Variants in APAF1 observed in about 807,000 individuals in gnomAD.
The protein encoded by APAF1 is apoptotic peptidase activating factor 1.
A neutral mutation model predicts 152.4 loss-of-function variants in APAF1; 91 were observed. The ratio of observed to expected loss-of-function variants is 0.60; its 90% CI spans 0.50 to 0.71. APAF1 has a LOEUF of 0.71. APAF1 is among the 30% of genes least tolerant of loss of function. The probability of loss-of-function intolerance (pLI) is 0.00; values close to 1 mark genes in which losing one functional copy is unlikely to be tolerated. For synonymous variants in APAF1, 484 were observed against 494.1 expected, an observed-to-expected ratio of 0.98 and a Z score of 0.27; for missense variants, 1,283 against 1,472.0, an observed-to-expected ratio of 0.87 and a Z score of 2.10.
At position 98,725,497 on chromosome 12, in the gene APAF1, A is replaced by T. The variant is rs1236634608; in HGVS notation, c.3413A>T (p.Asp1138Val). ...GTGCGCTGCTCTGCCTTCTCTGTGGACAGTACCCTGCTGGCAACGGGAGAT... is the reference window on the plus strand; with the variant it reads ...GTGCGCTGCTCTGCCTTCTCTGTGGTCAGTACCCTGCTGGCAACGGGAGAT... ...GCVRCSAFSV[D>V]STLLATGDDN... Residue 1138 changes from aspartate to valine, a missense_variant, in exon 25 of 27, where the codon GAC becomes GTC. Asp to Val is a radical substitution (Grantham distance 152). Transcript: ENST00000551964. The T allele has an allele frequency of 6.2e-7, 1 of 1,614,048 alleles. No homozygotes were observed. The highest frequency in any genetic ancestry group is 8.5e-7 in the Non-Finnish European group (1 of 1,180,020).
At chr12:98,713,633 A>G (rs1324457432) in intron 21 of APAF1, among the ~76,000 whole-genome samples, 2 of 152,254 alleles carry the variant, frequency 1.3e-5, no homozygotes, top group Non-Finnish European at 2.9e-5. Context: ...ATCACAAGTG[A>G]AATTCATCCC....
At chr12:98,673,522 T>A (rs1470495266) in intron 12 of APAF1, among the ~76,000 whole-genome samples, 1 of 152,056 alleles carries the variant, frequency 6.6e-6, no homozygotes, top group Non-Finnish European at 1.5e-5. Context: ...CATGCTTCCC[T>A]TACAGCTTGA....
intron 22 of APAF1, 83 bp from the exon 23 acceptor site, chr12:98,723,110 C>A: frequency 7.1e-7 from 1 of 1,417,780 alleles, no homozygotes; most frequent in Non-Finnish European, 9.9e-7. Flanking sequence ...AGACTTTAGA[C>A]AAGAGAATGT....
intron 14 of APAF1, among the ~76,000 whole-genome samples, chr12:98,681,125 A>C (rs901613278): frequency 4.3e-4 from 66 of 152,198 alleles, no homozygotes; most frequent in African/African-American, 1.6e-3. Flanking sequence ...GCAGTGGTAC[A>C]ATCTCGGCTC....
intron 18 of APAF1, 56 bp from the exon 19 acceptor site, chr12:98,706,429 G>A: frequency 6.3e-7 from 1 of 1,582,184 alleles, no homozygotes; most frequent in Non-Finnish European, 8.7e-7. Flanking sequence ...CAATATTTTT[G>A]CTCTCTTCAA....
intron 15 of APAF1, among the ~76,000 whole-genome samples, chr12:98,686,265 A>C (rs115155998): frequency 0.025 from 3,880 of 152,164 alleles, 154 homozygotes; most frequent in African/African-American, 0.086. Context: ...TTATTAGAGC[A>C]ATTTAGTCAT....
At chr12:98,714,980 C>G (rs1173356108) in intron 21 of APAF1, among the ~76,000 whole-genome samples, 1 of 150,066 alleles carries the variant, frequency 6.7e-6, no homozygotes, top group East Asian at 2.0e-4. Context: ...CCCTCATCAT[C>G]TTTTATCTTT....
chr12:98,654,755 A>T (rs910961702), intron 4 of APAF1, among the ~76,000 whole-genome samples: 2 of 151,978 alleles, frequency 1.3e-5, no homozygotes, highest in African/African-American at 2.4e-5. Context: ...TGGAAACTTA[A>T]GGCAACAGAT....
chr12:98,675,817 G>A (rs949188435), intron 12 of APAF1, among the ~76,000 whole-genome samples: 7 of 152,192 alleles, frequency 4.6e-5, no homozygotes, highest in African/African-American at 7.2e-5. Flanking sequence ...CTACTAAAGT[G>A]TAATACTTTG....
chr12:98,715,551 A>C lies in APAF1; in HGVS notation c.3083A>C (p.Gln1028Pro), dbSNP rs950931915. 1.2e-6 allele frequency: 2 copies of C among 1,613,416 alleles called. No individual in the cohort carries two copies. The highest frequency in any genetic ancestry group is 1.7e-6 in the Non-Finnish European group (2 of 1,179,572). Residue 1028 changes from glutamine (Q) to proline (P), a missense_variant and splice_region_variant, in exon 22 of 27, where the codon CAG becomes CCG. By Grantham distance (76) the Gln-to-Pro change is moderately conservative. Coordinates refer to ENST00000551964, the MANE Select transcript of APAF1 (RefSeq NM_181861.2). ...LISSSDDAEI[Q>P]VWNWQLDKCI... ...TCAAGTTCTGATGATGCTGAAATTC[A>C]GGTGAGAGGGAGGATGAACTCTTAA... is the stretch of plus-strand genomic sequence containing the variant.
chr12:98,723,530 G>C, intron 23 of APAF1, 109 bp from the exon 24 acceptor site: 4 of 1,112,964 alleles, frequency 3.6e-6, no homozygotes, highest in Non-Finnish European at 5.2e-6. Context: ...AGAACAGCCA[G>C]TGTATTAAAA....
chr12:98,732,680 A>T lies in APAF1; in HGVS notation c.*114A>T. 2 of 710,764 alleles carry T rather than the reference A, an allele frequency of 2.8e-6. No homozygotes were observed. The highest frequency in any genetic ancestry group is 4.7e-6 in the Non-Finnish European group (2 of 427,438). The allele number at this position is 710,764 out of a possible 1,614,324, so 44.0% of individuals were successfully genotyped here. On this transcript the variant is annotated 3_prime_UTR_variant, in exon 27 of 27. Coordinates refer to ENST00000551964, the MANE Select transcript of APAF1 (RefSeq NM_181861.2). The stretch of plus-strand genomic sequence containing the variant: ...GCTCTTAATTGTTGTGCAGTATTGC[A>T]TTCATTACAAAAGTGTTTGTGGTTG...
Position 98,682,274 on chromosome 12 carries a change from T to C in APAF1, c.2047-869T>C, listed in dbSNP as rs998189779. ...TTCACCATGTTAGCCAGGATGGTGT[T>C]GATCTCCTGACCTCGTGATCTGCCC... On this transcript the variant is annotated intron_variant, in intron 14 of 26. Coordinates refer to ENST00000551964, the MANE Select transcript of APAF1 (RefSeq NM_181861.2). Among the ~76,000 whole-genome samples, 4 of 149,218 alleles carry C rather than the reference T, an allele frequency of 2.7e-5. No individual in the cohort carries two copies. The South Asian group carries it at 6.4e-4, about 24-fold the overall frequency.
chr12:98,670,529 A>AT (rs1477159268), intron 10 of APAF1, among the ~76,000 whole-genome samples: 25 of 152,092 alleles, frequency 1.6e-4, no homozygotes, highest in African/African-American at 5.1e-4. Context: ...ACAAATAAGT[A>AT]TTTTTTTAAA....
At chr12:98,726,791 GA>G (rs1282360047) in intron 25 of APAF1, 1 of 154,474 alleles carries the variant, frequency 6.5e-6, no homozygotes, top group African/African-American at 2.4e-5. Flanking sequence ...TTTTCTCCCT[GA>G]TTATTCAGAA....
In APAF1 at chr12:98,707,709, T is replaced by TATAC. The variant is rs1555220833; in HGVS notation, c.2722-872_2722-869dup. 5.8e-4 allele frequency among the ~76,000 whole-genome samples: 87 copies of TATAC among 149,860 alleles called. 1 individual carries two copies. The highest frequency in any genetic ancestry group is 1.7e-3 in the African/African-American group (68 of 41,130). ...GCAAAGTACTATATATATATATATATATACATATAAATTTACTAATTCTCA... is the reference window on the plus strand; with the variant it reads ...GCAAAGTACTATATATATATATATATATACATACATATAAATTTACTAATTCTCA... On this transcript the variant is annotated intron_variant, in intron 19 of 26. Transcript: ENST00000551964.
intron 22 of APAF1, among the ~76,000 whole-genome samples, chr12:98,718,178 C>A (rs1373896216): frequency 1.3e-5 from 2 of 152,114 alleles, no homozygotes; most frequent in Non-Finnish European, 2.9e-5. Flanking sequence ...CTACTTTCTT[C>A]CTTTTTTTCC....
Position 98,699,288 on chromosome 12 carries a change from G to A in APAF1, c.2305-120G>A, listed in dbSNP as rs1032789819. ...AAGCCTTACAAAAAGTCATGCATAG[G>A]TAAAAATAATTCATCAAGTGAAGTG... is the stretch of plus-strand genomic sequence containing the variant. On this transcript the variant is annotated intron_variant, in intron 16 of 26. Transcript: ENST00000551964. The A allele has an allele frequency of 2.7e-5, 27 of 1,010,480 alleles. No homozygotes were observed. In the African/African-American group the frequency reaches 3.6e-4, roughly 13 times the overall value. The allele number at this position is 1,010,480 out of a possible 1,614,324, so 62.6% of individuals were successfully genotyped here.
At chr12:98,653,147 C>T (rs2097651055) in intron 4 of APAF1, among the ~76,000 whole-genome samples, 1 of 151,740 alleles carries the variant, frequency 6.6e-6, no homozygotes, top group African/African-American at 2.4e-5. Context: ...TCCACTAATT[C>T]AAGAATAGGT....
Sources: allele counts gnomAD v4.1 joint callset (sites outside exome capture counted in the v4.1 genomes callset), GRCh38; gene constraint gnomAD v4.1.1; transcripts MANE v1.5; gene names NCBI Gene and HGNC (gene_info 2026-07-23, HGNC 2026-07-21).